Variants in TP53INP1 observed in about 807,000 individuals in gnomAD.
TP53INP1 encodes tumor protein p53-inducible nuclear protein 1.
In TP53INP1, 12 loss-of-function variants were observed where a neutral mutation model predicts 21.0. That is an observed-to-expected ratio of 0.57 (90% CI 0.37 to 0.93). The LOEUF (loss-of-function observed/expected upper bound fraction) is 0.93, where lower values mean the gene tolerates loss of function less well. TP53INP1 is among the 40% of genes least tolerant of loss of function. The probability of loss-of-function intolerance (pLI) is 0.01; values close to 1 mark genes in which losing one functional copy is unlikely to be tolerated. For synonymous variants in TP53INP1, 91 were observed against 94.8 expected (o/e 0.96, Z 0.23); for missense variants, 274 against 294.7 (o/e 0.93, Z 0.51).
chr8:94,936,684 C>G (rs1288112501), intron 3 of TP53INP1, among the ~76,000 whole-genome samples: 1 of 152,034 alleles, frequency 6.6e-6, no homozygotes, highest in Non-Finnish European at 1.5e-5. Flanking sequence ...GAGCACAACC[C>G]TACGGAAATT....
At chr8:94,939,579 G>A (rs2013597) in intron 3 of TP53INP1, 222,398 of 343,664 alleles carry the variant, frequency 0.65, 73,681 homozygotes, top group East Asian at 0.77. Flanking sequence ...GTTATTTTTT[G>A]TACAGACGGG....
At position 94,930,473 on chromosome 8, in the gene TP53INP1, A is replaced by G. The variant is rs1213343812; in HGVS notation, c.*6T>C. 6.2e-7 allele frequency: 1 copy of G among 1,613,152 alleles called. No homozygotes were observed. The highest frequency in any genetic ancestry group is 8.5e-7 in the Non-Finnish European group (1 of 1,179,200). Reference sequence around the variant, plus strand: ...AAGAGAAACCAACCAACAAAACTTGAAACTATTAGTAATTGTACTGACGCG... The same window carrying G: ...AAGAGAAACCAACCAACAAAACTTGGAACTATTAGTAATTGTACTGACGCG... On this transcript the variant is annotated 3_prime_UTR_variant, in exon 4 of 4. Coordinates refer to ENST00000342697, the MANE Select transcript of TP53INP1 (RefSeq NM_033285.4).
chr8:94,937,528 A>G (rs1212547633), intron 3 of TP53INP1, among the ~76,000 whole-genome samples: 1 of 151,988 alleles, frequency 6.6e-6, no homozygotes, highest in Non-Finnish European at 1.5e-5. Context: ...TTTTTCTGGT[A>G]TCTGAGGAAG....
intron 3 of TP53INP1, among the ~76,000 whole-genome samples, chr8:94,937,363 C>T (rs888613824): frequency 6.6e-6 from 1 of 151,576 alleles, no homozygotes; most frequent in African/African-American, 2.4e-5. Flanking sequence ...ATCACTTGAA[C>T]CCGGGAGGCA....
chr8:94,931,679 G>C (rs1384888833), intron 3 of TP53INP1, among the ~76,000 whole-genome samples: 3 of 151,872 alleles, frequency 2.0e-5, no homozygotes, highest in South Asian at 2.1e-4. Context: ...TTAATATAAA[G>C]AAAATTATTT....
At chr8:94,946,289 A>G (rs1821985404) in intron 1 of TP53INP1, among the ~76,000 whole-genome samples, 1 of 152,194 alleles carries the variant, frequency 6.6e-6, no homozygotes, top group Non-Finnish European at 1.5e-5. Context: ...CACGGGGAAG[A>G]GCATTCTAGT....
At chr8:94,945,414 C>A (rs1488783445) in intron 1 of TP53INP1, 1 of 152,000 alleles carries the variant, frequency 6.6e-6, no homozygotes, top group African/African-American at 2.4e-5. Context: ...TTTCTTTTTC[C>A]TTTTTAAATA....
intron 1 of TP53INP1, among the ~76,000 whole-genome samples, chr8:94,947,128 G>C (rs1822089094): frequency 6.6e-6 from 1 of 152,092 alleles, no homozygotes; most frequent in African/African-American, 2.4e-5. Context: ...GGTTGGGGTG[G>C]AGTCAGCATT....
intron 3 of TP53INP1, among the ~76,000 whole-genome samples, chr8:94,937,453 A>C (rs1302534607): frequency 6.6e-6 from 1 of 151,878 alleles, no homozygotes; most frequent in African/African-American, 2.4e-5. Context: ...AAAAAAAAAA[A>C]AACCCAAAAA....
Position 94,940,089 on chromosome 8 carries a change from A to C in TP53INP1, c.244T>G (p.Ser82Ala), listed in dbSNP as rs1821374773. 1.9e-6 allele frequency: 3 copies of C among 1,614,242 alleles called. No individual in the cohort carries two copies. The highest frequency in any genetic ancestry group is 1.7e-6 in the Non-Finnish European group (2 of 1,180,040). ...SLECLADTSD[S>A]CFLQFESCPM... ...CATGACTCAAACTGGAGAAAGCAGGAATCACTTGTATCAGCCAAGCACTCA... is the reference window on the plus strand; with the variant it reads ...CATGACTCAAACTGGAGAAAGCAGGCATCACTTGTATCAGCCAAGCACTCA... The change falls in exon 3 of 4, where the codon TCC (serine) becomes GCC (alanine). Residue 82 changes from serine (S) to alanine (A), a missense_variant. Coordinates refer to ENST00000342697, the MANE Select transcript of TP53INP1 (RefSeq NM_033285.4).
At chr8:94,948,485 C>G (rs1227604086) in intron 1 of TP53INP1, among the ~76,000 whole-genome samples, 1 of 152,182 alleles carries the variant, frequency 6.6e-6, no homozygotes, top group African/African-American at 2.4e-5. Flanking sequence ...AGTCAGGTAG[C>G]GAAGACTGAG....
At chr8:94,931,580 T>C (rs571392745) in intron 3 of TP53INP1, among the ~76,000 whole-genome samples, 2 of 90,726 alleles carry the variant, frequency 2.2e-5, no homozygotes, top group African/African-American at 9.1e-5. Flanking sequence ...GAAACACACA[T>C]ATTTATTACA....
intron 3 of TP53INP1, among the ~76,000 whole-genome samples, chr8:94,934,644 T>C (rs1223453692): frequency 6.6e-6 from 1 of 152,120 alleles, no homozygotes; most frequent in Non-Finnish European, 1.5e-5. Flanking sequence ...CCTCCCAAAG[T>C]GCTTGGATTA....
chr8:94,937,942 C>T (rs1365353768), intron 3 of TP53INP1, among the ~76,000 whole-genome samples: 5 of 152,144 alleles, frequency 3.3e-5, no homozygotes, highest in African/African-American at 4.8e-5. Flanking sequence ...TTGCTACCTG[C>T]AATCTAGACC....
intron 1 of TP53INP1, among the ~76,000 whole-genome samples, chr8:94,942,003 T>G (rs542763794): frequency 6.6e-6 from 1 of 151,772 alleles, no homozygotes; most frequent in Admixed American, 6.6e-5. Context: ...AGCTGGCAGT[T>G]ATTCAGGCCA....
intron 3 of TP53INP1, among the ~76,000 whole-genome samples, chr8:94,937,455 AC>A (rs1378808147): frequency 6.6e-6 from 1 of 151,236 alleles, no homozygotes; most frequent in African/African-American, 2.4e-5. Flanking sequence ...AAAAAAAAAA[AC>A]CCAAAAACAA....
chr8:94,940,054 C>T lies in TP53INP1; in HGVS notation c.279G>A (p.Glu93=), dbSNP rs1285066537. 6.2e-7 allele frequency: 1 copy of T among 1,614,222 alleles called. No individual in the cohort carries two copies. The highest frequency in any genetic ancestry group is 1.7e-5 in the Admixed American group (1 of 60,028). ...GGGGTGGGGTGATAAACCAGCTCTC[C>T]TCCATTGGACATGACTCAAACTGGA... ...CFLQFESCPM[E]ESWFITPPPC... The change falls in exon 3 of 4, where the codon GAG becomes GAA. Residue 93 remains glutamate (E), a synonymous_variant. Transcript: ENST00000342697.
chr8:94,939,733 C>A, intron 3 of TP53INP1, 127 bp downstream of exon 3: 1 of 1,318,868 alleles, frequency 7.6e-7, no homozygotes, highest in Non-Finnish European at 1.1e-6. Flanking sequence ...GTGTACTATG[C>A]ACATGCTTTC....
At chr8:94,935,116 T>A (rs1820828265) in intron 3 of TP53INP1, among the ~76,000 whole-genome samples, 1 of 138,080 alleles carries the variant, frequency 7.2e-6, no homozygotes, top group Non-Finnish European at 1.5e-5. Context: ...GGTAGGTACA[T>A]AGGTAGATAG....
Sources: allele counts gnomAD v4.1 joint callset (sites outside exome capture counted in the v4.1 genomes callset), GRCh38; gene constraint gnomAD v4.1.1; transcripts MANE v1.5; gene names NCBI Gene and HGNC (gene_info 2026-07-23, HGNC 2026-07-21).